USP6: variants seen among roughly 807,000 people sequenced by gnomAD.
USP6 encodes the protein ubiquitin specific peptidase 6.
Under a neutral mutation model 175.7 loss-of-function variants are expected in USP6, and 128 were observed. The ratio of observed to expected loss-of-function variants is 0.73; its 90% CI spans 0.63 to 0.84. The LOEUF is 0.84. Ranked by LOEUF, USP6 falls within the 40% of genes least tolerant of loss-of-function variation. The pLI is 0.00. For missense variants in USP6, 1,498 were observed against 1,760.3 expected, an observed-to-expected ratio of 0.85 and a Z score of 2.67; for synonymous variants, 562 against 630.6, an observed-to-expected ratio of 0.89 and a Z score of 1.63.
intron 30 of USP6, among the ~76,000 whole-genome samples, chr17:5,150,994 C>G (rs1357560423): frequency 1.3e-5 from 2 of 152,126 alleles, no homozygotes; most frequent in Non-Finnish European, 2.9e-5. Flanking sequence ...CTCTGTCTTT[C>G]TCTGATAAGG....
Position 5,137,249 on chromosome 17 carries a change from C to A in USP6, c.825+63C>A, listed in dbSNP as rs535329928. The A allele has an allele frequency of 1.8e-5, 29 of 1,585,962 alleles. No homozygotes were observed. The African/African-American group carries it at 3.4e-4, about 18-fold the overall frequency. On this transcript the variant is annotated intron_variant, in intron 19 of 37. Coordinates refer to ENST00000574788, the MANE Select transcript of USP6 (RefSeq NM_001304284.2). ...CCTTGCCCTGCAGTGCCGTGCTTCC[C>A]CAGCCCGGGGGTCTGGCTCACTCCC...
intron 25 of USP6, among the ~76,000 whole-genome samples, chr17:5,143,152 G>A (rs1435690054): frequency 2.6e-5 from 4 of 152,258 alleles, no homozygotes; most frequent in South Asian, 2.1e-4. Context: ...CCCCCTGCCC[G>A]GCCAGCCGCC....
rs766125705 is a variant in USP6 at position 5,130,617 on chromosome 17, C to G, written c.88C>G (p.Leu30Val). 2 of 1,613,898 alleles carry G rather than the reference C, an allele frequency of 1.2e-6. No individual in the cohort carries two copies. Among genetic ancestry groups the G allele is most frequent in the Admixed American group, 1.7e-5 (1 of 60,008 alleles). ...TGGGTTACAGGGACACCGAGCTGGG[C>G]TGCCAGAGGACAAGGGGCCTGAGCC... is the stretch of plus-strand genomic sequence containing the variant. Reference protein sequence around the residue: ...MKYDKGHRAGLPEDKGPEPVG... With the variant: ...MKYDKGHRAGVPEDKGPEPVG... The change falls in exon 11 of 38, where the codon CTG becomes GTG. Residue 30 changes from leucine to valine, a missense_variant. Around this residue, in one of 2 missense-constraint regions of USP6, gnomAD observed 281 missense variants for 259.6 expected, o/e 1.08. Coordinates refer to ENST00000574788, the MANE Select transcript of USP6 (RefSeq NM_001304284.2).
At chr17:5,142,528 GTATT>G (rs749211764) in intron 25 of USP6, 26 bp downstream of exon 25, 29 of 1,583,286 alleles carry the variant, frequency 1.8e-5, no homozygotes, top group Non-Finnish European at 2.5e-5. Context: ...TAATATAAAA[GTATT>G]TAATTCCTAA....
Position 5,173,973 on chromosome 17 carries a change from T to C in USP6, c.*995T>C, listed in dbSNP as rs892657606. The stretch of plus-strand genomic sequence containing the variant: ...TGCAAATGAACTTGCTTGTGTGTAT[T>C]TGATGGCTCTAAGGGCTATAAATTA... On this transcript the variant is annotated 3_prime_UTR_variant, in exon 38 of 38. Transcript: ENST00000574788. 2 of 217,622 alleles carry C rather than the reference T, an allele frequency of 9.2e-6. No homozygotes were observed. The highest frequency in any genetic ancestry group is 5.8e-5 in the Admixed American group (1 of 17,256). The allele number at this position is 217,622 out of a possible 1,614,324, so 13.5% of individuals were successfully genotyped here.
intron 30 of USP6, among the ~76,000 whole-genome samples, chr17:5,154,734 C>T (rs1017682512): frequency 2.0e-5 from 3 of 149,324 alleles, no homozygotes. Flanking sequence ...CCCCCACTGG[C>T]ATCTTTTCAT....
intron 31 of USP6, among the ~76,000 whole-genome samples, chr17:5,156,350 C>T (rs1451700650): frequency 6.6e-6 from 1 of 151,350 alleles, no homozygotes; most frequent in Non-Finnish European, 1.5e-5. Flanking sequence ...TCTTGTTGCC[C>T]AGGTTGGAGT....
intron 17 of USP6, 50 bp from the exon 18 acceptor site, chr17:5,136,590 C>T: frequency 6.2e-7 from 1 of 1,602,156 alleles, no homozygotes; most frequent in Non-Finnish European, 8.5e-7. Flanking sequence ...CTGATGGCTC[C>T]ACACCTTGGG....
At chr17:5,162,517 T>C (rs2074024432) in intron 32 of USP6, among the ~76,000 whole-genome samples, 1 of 152,222 alleles carries the variant, frequency 6.6e-6, no homozygotes, top group Non-Finnish European at 1.5e-5. Flanking sequence ...TTATACCAGA[T>C]AAATTGTCCT....
chr17:5,160,055 G>T (rs1175400442), intron 31 of USP6, among the ~76,000 whole-genome samples: 2 of 151,896 alleles, frequency 1.3e-5, no homozygotes, highest in African/African-American at 2.4e-5. Flanking sequence ...AAAGGTAAAA[G>T]AAATTTTTAG....
intron 31 of USP6, 24 bp downstream of exon 31, chr17:5,155,630 AC>A: frequency 6.3e-7 from 1 of 1,593,084 alleles, no homozygotes; most frequent in Non-Finnish European, 8.5e-7. Flanking sequence ...ATCCATCTAA[AC>A]CTGTGGTTTC....
intron 35 of USP6, among the ~76,000 whole-genome samples, chr17:5,170,097 G>A (rs2074180716): frequency 6.6e-6 from 1 of 152,034 alleles, no homozygotes; most frequent in African/African-American, 2.4e-5. Context: ...CTAACAATAG[G>A]AAGTACTCAG....
chr17:5,169,043 A>G lies in USP6; in HGVS notation c.3505A>G (p.Ser1169Gly). The change falls in exon 35 of 38, where the codon AGC becomes GGC. Residue 1169 changes from serine to glycine, a missense_variant. Transcript: ENST00000574788. ...ATCCTCACTCAGCGCTAACATCAGC[A>G]GCAGCCCAAAAGGTGAGGCCTGGGG... ...SPSSLSANISSSPKGSPSSSR... is the reference protein window; with the variant it reads ...SPSSLSANISGSPKGSPSSSR... The G allele has an allele frequency of 6.2e-7, 1 of 1,606,290 alleles. No individual in the cohort carries two copies. The highest frequency in any genetic ancestry group is 8.5e-7 in the Non-Finnish European group (1 of 1,176,398).
chr17:5,133,098 A>C (rs574855807), intron 13 of USP6, 108 bp downstream of exon 13: 1 of 1,316,782 alleles, frequency 7.6e-7, no homozygotes, highest in Admixed American at 1.8e-5. Flanking sequence ...CGGGTGGCAC[A>C]CTGTCCTCGC....
rs564681954 is a variant in USP6, at chr17:5,130,640, G to A, written c.111G>A (p.Glu37=). The change falls in exon 11 of 38, where the codon GAG becomes GAA. Residue 37 remains glutamate, a synonymous_variant. Transcript: ENST00000574788. ...RAGLPEDKGP[E]PVGINSSIDR... ...GGCTGCCAGAGGACAAGGGGCCTGA[G>A]CCCGTTGGAATCAACAGCAGCATTG... 3 of 1,613,922 alleles carry A rather than the reference G, an allele frequency of 1.9e-6. No individual in the cohort carries two copies. The highest frequency in any genetic ancestry group is 2.7e-5 in the African/African-American group (2 of 75,050).
At position 5,133,889 on chromosome 17, in the gene USP6, C is replaced by T. The variant is rs766471110; in HGVS notation, c.387C>T (p.Ile129=). 3 of 1,614,086 alleles carry T rather than the reference C, an allele frequency of 1.9e-6. No homozygotes were observed. Among genetic ancestry groups the T allele is most frequent in the Non-Finnish European group, 1.7e-6 (2 of 1,179,972 alleles). The stretch of plus-strand genomic sequence containing the variant: ...CTCCTCTTGGCCCTGCCCTACAGAT[C>T]ATGAAGGAGAGGGGCAAGAGGTCAT... ...IKLKNPGRYQ[I]MKERGKRSSE... is the part of the protein sequence containing the mutation. The change falls in exon 15 of 38, where the codon ATC becomes ATT. Residue 129 remains isoleucine, a splice_region_variant and synonymous_variant. Transcript: ENST00000574788.
rs61761605 is a variant in USP6 at position 5,139,553 on chromosome 17, G to A, written c.1377G>A (p.Thr459=). The A allele has an allele frequency of 1.7e-4, 270 of 1,613,830 alleles. 2 individuals carry two copies. Among genetic ancestry groups the A allele is most frequent in the Middle Eastern group, 1.2e-3 (7 of 5,864 alleles). Reference sequence around the variant, plus strand: ...GGAAGTCAATGCCCCGGCTCCCAACGGACCTGGATATAGGGGGCCCTTGGT... The same window carrying A: ...GGAAGTCAATGCCCCGGCTCCCAACAGACCTGGATATAGGGGGCCCTTGGT... ...LEWKSMPRLP[T]DLDIGGPWFP... Residue 459 remains threonine (T), a synonymous_variant, in exon 22 of 38, where the codon ACG becomes ACA. Transcript: ENST00000574788.
At chr17:5,119,553 C>T (rs1374021552) in intron 2 of USP6, among the ~76,000 whole-genome samples, 1 of 152,196 alleles carries the variant, frequency 6.6e-6, no homozygotes, top group Admixed American at 6.5e-5. Flanking sequence ...CAGTCCAGTT[C>T]CCATCTTTTA....
At chr17:5,121,217 C>T (rs907175002) in intron 3 of USP6, among the ~76,000 whole-genome samples, 158 bp from the exon 4 acceptor site, 6 of 152,158 alleles carry the variant, frequency 3.9e-5, no homozygotes, top group Non-Finnish European at 7.3e-5. Context: ...AGGCTGAATT[C>T]CTCCAAGGTC....
Sources: allele counts gnomAD v4.1 joint callset (sites outside exome capture counted in the v4.1 genomes callset), GRCh38; gene constraint gnomAD v4.1.1; regional missense constraint gnomAD v4.1.1; transcripts MANE v1.5; gene names NCBI Gene and HGNC (gene_info 2026-07-23, HGNC 2026-07-21).